Variants in ZFAT observed in about 807,000 individuals in gnomAD.
ZFAT encodes zinc finger and AT-hook domain containing, also known as zinc finger protein ZFAT.
In ZFAT, 64 loss-of-function variants were observed where a neutral mutation model predicts 117.7. The ratio of observed to expected loss-of-function variants is 0.54; its 90% confidence interval spans 0.44 to 0.67. ZFAT has a LOEUF of 0.67. Among genes scored for constraint, ZFAT ranks in the 30% least tolerant of loss-of-function variants. The probability of loss-of-function intolerance (pLI) is 0.00; values close to 1 mark genes in which losing one functional copy is unlikely to be tolerated. For missense variants in ZFAT, 1,433 were observed against 1,584.5 expected, an observed-to-expected ratio of 0.90 and a Z score of 1.62; for synonymous variants, 679 against 615.0, an observed-to-expected ratio of 1.10 and a Z score of -1.54.
chr8:134,533,015 A>C (rs779864980), intron 11 of ZFAT, 43 bp from the exon 12 acceptor site: 2 of 1,569,528 alleles, frequency 1.3e-6, no homozygotes. Flanking sequence ...TGAGCCCCAG[A>C]TGTCTGCCTT....
the ZFAT span, among the ~76,000 whole-genome samples, chr8:134,770,859 T>A: frequency 6.6e-6 from 1 of 152,170 alleles, no homozygotes; most frequent in African/African-American, 2.4e-5. Context: ...AGTGATGAAA[T>A]AGACTTCAGT....
At chr8:134,813,840 G>A in the ZFAT span, among the ~76,000 whole-genome samples, 23 of 139,676 alleles carry the variant, frequency 1.6e-4, no homozygotes, top group African/African-American at 5.5e-4. Flanking sequence ...ACACACACAC[G>A]TCAAAGATAC....
At chr8:134,581,597 G>A (rs1363081834) in intron 10 of ZFAT, among the ~76,000 whole-genome samples, 1 of 152,046 alleles carries the variant, frequency 6.6e-6, no homozygotes, top group Non-Finnish European at 1.5e-5. Context: ...TTGGCAGGGG[G>A]GGTGTAGGGA....
chr8:134,529,925 C>T (rs927246522), intron 12 of ZFAT, among the ~76,000 whole-genome samples: 8 of 152,178 alleles, frequency 5.3e-5, no homozygotes, highest in African/African-American at 1.9e-4. Flanking sequence ...AGTACCTTCC[C>T]TTAGAAACCC....
Position 134,602,504 on chromosome 8 carries a change from G to A in ZFAT, c.1215C>T (p.Asp405=). 1 of 1,613,958 alleles carries A rather than the reference G, an allele frequency of 6.2e-7. No homozygotes were observed. The highest frequency in any genetic ancestry group is 8.5e-7 in the Non-Finnish European group (1 of 1,180,042). ...TREGKRQLLY[D]CHICERKFKN... ...TGAACTTGCGCTCACAGATGTGGCA[G>A]TCATAGAGCAGCTGCCGCTTGCCCT... is the stretch of plus-strand genomic sequence containing the variant. The change falls in exon 6 of 16, where the codon GAC becomes GAT. Residue 405 remains aspartate (D), a synonymous_variant. Transcript: ENST00000377838.
At chr8:134,501,845 G>A (rs1819003682) in intron 15 of ZFAT, among the ~76,000 whole-genome samples, 1 of 152,206 alleles carries the variant, frequency 6.6e-6, no homozygotes, top group Non-Finnish European at 1.5e-5. Context: ...TTCGAGCTTA[G>A]AGGGTAACAG....
At chr8:134,559,199 T>C (rs1318497516) in intron 11 of ZFAT, among the ~76,000 whole-genome samples, 3 of 152,244 alleles carry the variant, frequency 2.0e-5, no homozygotes, top group Non-Finnish European at 2.9e-5. Context: ...GCCCTGTCCC[T>C]CAGTCTACCC....
chr8:134,609,851 T>A (rs1005931286), intron 4 of ZFAT, among the ~76,000 whole-genome samples: 11 of 152,150 alleles, frequency 7.2e-5, no homozygotes, highest in Non-Finnish European at 2.9e-5. Flanking sequence ...TGGTGAACCC[T>A]TCTAAAAATA....
chr8:134,769,098 A>G, the ZFAT span, among the ~76,000 whole-genome samples: 5 of 152,194 alleles, frequency 3.3e-5, no homozygotes, highest in Admixed American at 3.3e-4. Flanking sequence ...GCTTGAACCC[A>G]GGAGGTGGAG....
At chr8:134,773,984 A>ATTTTTTTTTTTT in the ZFAT span, among the ~76,000 whole-genome samples, 214 of 103,266 alleles carry the variant, frequency 2.1e-3, 11 homozygotes, top group African/African-American at 8.0e-3. Flanking sequence ...TTGAGGATTA[A>ATTTTTTTTTTTT]TTTTTTTTTT....
At chr8:134,718,065 T>G in the ZFAT span, among the ~76,000 whole-genome samples, 1 of 152,222 alleles carries the variant, frequency 6.6e-6, no homozygotes. Context: ...TAAAAACTTT[T>G]GTGTTAAATT....
chr8:134,592,865 G>A (rs544984144), intron 7 of ZFAT, among the ~76,000 whole-genome samples: 2 of 152,216 alleles, frequency 1.3e-5, no homozygotes, highest in Non-Finnish European at 2.9e-5. Context: ...AAGTCCTTCT[G>A]AACAACCAAA....
intron 1 of ZFAT, 45 bp downstream of exon 1, chr8:134,712,800 G>GGCCCCC: frequency 6.1e-6 from 7 of 1,140,186 alleles, no homozygotes; most frequent in Non-Finnish European, 8.6e-6. Context: ...GCCGCGCCGC[G>GGCCCCC]CCCCACCCCC....
chr8:134,695,454 T>C (rs1437583572), intron 1 of ZFAT, among the ~76,000 whole-genome samples: 1 of 146,110 alleles, frequency 6.8e-6, no homozygotes, highest in African/African-American at 2.6e-5. Flanking sequence ...GGCCCGGCCA[T>C]CTTAACCAAG....
chr8:134,706,463 G>A (rs1834155057), intron 1 of ZFAT, among the ~76,000 whole-genome samples: 1 of 152,168 alleles, frequency 6.6e-6, no homozygotes, highest in African/African-American at 2.4e-5. Context: ...AGACCGAGGT[G>A]GGCAAATCAC....
chr8:134,488,328 G>A (rs1817800567), intron 15 of ZFAT, among the ~76,000 whole-genome samples: 1 of 152,210 alleles, frequency 6.6e-6, no homozygotes, highest in Non-Finnish European at 1.5e-5. Context: ...GCTAACATGG[G>A]GAACAGGTGT....
At chr8:134,680,752 T>C (rs960801270) in intron 1 of ZFAT, among the ~76,000 whole-genome samples, 6 of 152,176 alleles carry the variant, frequency 3.9e-5, no homozygotes, top group African/African-American at 1.4e-4. Flanking sequence ...TCAAGGATGG[T>C]GATGGTTACA....
chr8:134,628,391 G>C lies in ZFAT; in HGVS notation c.448+9070C>G, dbSNP rs149379178. ...AAGTCAGGGTGCAGAGCAGGCAGCGGCTAGGTCCTAAGTAACATAGCAGGT... is the reference window on the plus strand; with the variant it reads ...AAGTCAGGGTGCAGAGCAGGCAGCGCCTAGGTCCTAAGTAACATAGCAGGT... On this transcript the variant is annotated intron_variant, in intron 3 of 15. Coordinates refer to ENST00000377838, the MANE Select transcript of ZFAT (RefSeq NM_020863.4). Among the ~76,000 whole-genome samples, 15 of 152,238 alleles carry C rather than the reference G, an allele frequency of 9.9e-5. No individual in the cohort carries two copies. The East Asian group carries it at 2.5e-3, about 26-fold the overall frequency.
the ZFAT span, among the ~76,000 whole-genome samples, chr8:134,738,030 C>T: frequency 2.0e-5 from 3 of 152,086 alleles, no homozygotes; most frequent in African/African-American, 4.8e-5. Context: ...CCTCTCATGA[C>T]CCTTTGAGGA....
Sources: allele counts gnomAD v4.1 joint callset (sites outside exome capture counted in the v4.1 genomes callset), GRCh38; gene constraint gnomAD v4.1.1; transcripts MANE v1.5; gene names NCBI Gene and HGNC (gene_info 2026-07-23, HGNC 2026-07-21).